The following CCDC178 variants were observed in gnomAD, a reference collection of about 807,000 sequenced individuals.
The protein encoded by CCDC178 is coiled-coil domain containing 178.
Under a neutral mutation model 117.4 loss-of-function variants are expected in CCDC178, and 126 were observed. The observed-to-expected ratio is 1.07, with a 90% CI of 0.93 to 1.24. The LOEUF (loss-of-function observed/expected upper bound fraction) is 1.24. Among genes scored for constraint, CCDC178 ranks in the 50% most tolerant of loss-of-function variants. The pLI, the probability that CCDC178 is intolerant of heterozygous loss-of-function variation, is 0.00. For synonymous variants in CCDC178, 283 were observed against 313.4 expected (o/e 0.90, Z 1.02); for missense variants, 1,030 against 986.9 (o/e 1.04, Z -0.59).
chr18:33,071,993 T>G (rs2057117114), intron 21 of CCDC178, among the ~76,000 whole-genome samples: 1 of 152,106 alleles, frequency 6.6e-6, no homozygotes, highest in South Asian at 2.1e-4. Flanking sequence ...ATCAACAATG[T>G]GATGCTACTG....
chr18:33,143,636 A>G (rs149218339), intron 20 of CCDC178, among the ~76,000 whole-genome samples: 98 of 152,224 alleles, frequency 6.4e-4, no homozygotes, highest in Middle Eastern at 3.4e-3. Flanking sequence ...AAGTGGGTAG[A>G]CCTTGTGTGA....
At chr18:33,131,197 G>C (rs1314061608) in intron 20 of CCDC178, among the ~76,000 whole-genome samples, 1 of 151,870 alleles carries the variant, frequency 6.6e-6, no homozygotes, top group Non-Finnish European at 1.5e-5. Context: ...TCAACAGAAA[G>C]TTAAAAGGTC....
chr18:33,412,746 T>C (rs984374241), intron 2 of CCDC178, among the ~76,000 whole-genome samples: 1 of 152,206 alleles, frequency 6.6e-6, no homozygotes, highest in Non-Finnish European at 1.5e-5. Context: ...ACACAATTAA[T>C]GATGTCTTAA....
At chr18:33,266,821 C>T in intron 14 of CCDC178, 95 bp downstream of exon 14, 1 of 1,199,262 alleles carries the variant, frequency 8.3e-7, no homozygotes, top group Non-Finnish European at 1.1e-6. Flanking sequence ...AACAAAAACA[C>T]CACCATATAA....
chr18:33,144,805 C>A (rs2058249722), intron 20 of CCDC178, among the ~76,000 whole-genome samples: 1 of 152,082 alleles, frequency 6.6e-6, no homozygotes, highest in African/African-American at 2.4e-5. Flanking sequence ...AATGAAAAGA[C>A]TGAAGGAAGA....
chr18:33,393,266 G>A lies in CCDC178; in HGVS notation c.119-3637C>T, dbSNP rs147340578. The stretch of plus-strand genomic sequence containing the variant: ...TCTGTAACTGTTAGTATATATTAAT[G>A]TAAGTCATTCTGCAAGCATTTAAAC... On this transcript the variant is annotated intron_variant, in intron 4 of 22. Coordinates refer to ENST00000383096, the MANE Select transcript of CCDC178 (RefSeq NM_001105528.4). Among the ~76,000 whole-genome samples the A allele has an allele frequency of 9.3e-4, 142 of 152,176 alleles. 1 individual carries two copies. Among genetic ancestry groups the A allele is most frequent in the African/African-American group, 3.1e-3 (129 of 41,524 alleles).
intron 2 of CCDC178, among the ~76,000 whole-genome samples, chr18:33,419,457 T>C (rs1455837744): frequency 6.6e-6 from 1 of 152,160 alleles, no homozygotes; most frequent in African/African-American, 2.4e-5. Context: ...CTAAAGAGAT[T>C]CTGCATAGCA....
chr18:33,231,392 TATAAC>T (rs2059365736), intron 15 of CCDC178, among the ~76,000 whole-genome samples: 1 of 152,190 alleles, frequency 6.6e-6, no homozygotes, highest in Non-Finnish European at 1.5e-5. Context: ...ACTCAAAAGT[TATAAC>T]AGATAAATAC....
At chr18:33,086,406 A>ATG (rs1021127115) in intron 21 of CCDC178, among the ~76,000 whole-genome samples, 8 of 150,452 alleles carry the variant, frequency 5.3e-5, no homozygotes, top group African/African-American at 2.0e-4. Context: ...GTATGTATAT[A>ATG]TACATATATA....
chr18:33,389,430 C>T (rs555631301), intron 5 of CCDC178, 110 bp downstream of exon 5: 99 of 416,236 alleles, frequency 2.4e-4, no homozygotes, highest in African/African-American at 3.9e-4. Context: ...TAACAATTAA[C>T]GATATGTAGG....
At chr18:33,328,212 T>C (rs2062614477) in intron 10 of CCDC178, 2 of 254,596 alleles carry the variant, frequency 7.9e-6, no homozygotes, top group South Asian at 7.5e-5. Flanking sequence ...AAGCGATTCT[T>C]CTGCCTCCAC....
At chr18:33,325,599 G>A (rs1309482510) in intron 10 of CCDC178, among the ~76,000 whole-genome samples, 1 of 151,914 alleles carries the variant, frequency 6.6e-6, no homozygotes, top group Non-Finnish European at 1.5e-5. Context: ...ATCTTTTACA[G>A]GTTAGATCAT....
At chr18:33,304,123 C>T (rs1599132612) in intron 11 of CCDC178, among the ~76,000 whole-genome samples, 1 of 152,274 alleles carries the variant, frequency 6.6e-6, no homozygotes, top group South Asian at 2.1e-4. Context: ...ATTGGCTATC[C>T]GTTGCTGCAT....
intron 20 of CCDC178, among the ~76,000 whole-genome samples, chr18:33,124,158 T>C (rs1054456322): frequency 6.6e-6 from 1 of 152,222 alleles, no homozygotes; most frequent in African/African-American, 2.4e-5. Flanking sequence ...AGGAAACTGA[T>C]GGTGTCTGCA....
chr18:33,428,826 G>GAA (rs2064162669), intron 2 of CCDC178, among the ~76,000 whole-genome samples: 1 of 143,162 alleles, frequency 7.0e-6, no homozygotes, highest in African/African-American at 2.6e-5. Context: ...GTGAAAAAAA[G>GAA]TAAAAAAAAA....
At chr18:32,984,509 T>C (rs2055221681) in intron 21 of CCDC178, among the ~76,000 whole-genome samples, 1 of 151,958 alleles carries the variant, frequency 6.6e-6, no homozygotes, top group South Asian at 2.1e-4. Flanking sequence ...GAAATAAAAT[T>C]ACTGCATTCT....
intron 18 of CCDC178, among the ~76,000 whole-genome samples, chr18:33,217,018 CA>C (rs1352778932): frequency 1.3e-5 from 2 of 151,972 alleles, no homozygotes; most frequent in African/African-American, 4.8e-5. Flanking sequence ...GTCTCCTCTT[CA>C]AAGGAATCTG....
intron 22 of CCDC178, chr18:32,957,798 A>G (rs2054624312): frequency 6.5e-6 from 1 of 152,860 alleles, no homozygotes; most frequent in Non-Finnish European, 1.5e-5. Context: ...CCGAAGAGAG[A>G]ACCCTGAGTC....
At chr18:33,043,280 T>A (rs1399165764) in intron 21 of CCDC178, among the ~76,000 whole-genome samples, 1 of 152,076 alleles carries the variant, frequency 6.6e-6, no homozygotes, top group Non-Finnish European at 1.5e-5. Flanking sequence ...GAAGAAACTG[T>A]CATATTGACA....
Sources: gnomAD v4.1 joint callset for allele counts (sites outside exome capture counted in the v4.1 genomes callset) on GRCh38, gnomAD v4.1.1 for gene constraint, MANE v1.5 for transcripts, NCBI Gene and HGNC (gene_info 2026-07-23, HGNC 2026-07-21) for gene names.